The following TEAD1 variants were observed in gnomAD, a reference collection of about 807,000 sequenced individuals.
The protein encoded by TEAD1 is transcriptional enhancer factor TEF-1.
TEAD1 carries 9 observed loss-of-function variants against 54.9 expected under a neutral mutation model. The observed-to-expected ratio is 0.16, with a 90% CI of 0.10 to 0.29. The LOEUF (loss-of-function observed/expected upper bound fraction) is 0.29. Among genes scored for constraint, TEAD1 ranks in the 10% least tolerant of loss-of-function variants. The pLI, the probability that TEAD1 is intolerant of heterozygous loss-of-function variation, is 1.00. For missense variants in TEAD1, 387 were observed against 535.9 expected, an observed-to-expected ratio of 0.72 and a Z score of 2.74; for synonymous variants, 200 against 187.8, an observed-to-expected ratio of 1.07 and a Z score of -0.53.
At chr11:12,898,307 T>G (rs1181877345) in intron 9 of TEAD1, among the ~76,000 whole-genome samples, 1 of 152,218 alleles carries the variant, frequency 6.6e-6, no homozygotes. Context: ...GCAGGAAAGT[T>G]ATTTTGCTTC....
chr11:12,791,247 C>T (rs948326299), intron 3 of TEAD1, among the ~76,000 whole-genome samples: 2 of 152,134 alleles, frequency 1.3e-5, no homozygotes, highest in African/African-American at 4.8e-5. Flanking sequence ...TAAGTTTGGT[C>T]TATGTTTAAG....
chr11:12,877,828 T>C (rs1947884617), intron 5 of TEAD1, among the ~76,000 whole-genome samples: 1 of 145,842 alleles, frequency 6.9e-6, no homozygotes, highest in Non-Finnish European at 1.5e-5. Flanking sequence ...GGAGTCTTGC[T>C]CTACTGCCCA....
In TEAD1 at chr11:12,933,935, T is replaced by G. The variant is rs186393539; in HGVS notation, c.1168-3174T>G. ...AAATAGGAACACTTTTACACTGTTG[T>G]TGGGACTATAAACTAGTTCCAACCA... is the stretch of plus-strand genomic sequence containing the variant. On this transcript the variant is annotated intron_variant, in intron 12 of 12. Coordinates refer to ENST00000527636, the MANE Select transcript of TEAD1 (RefSeq NM_021961.6). 1.2e-3 allele frequency among the ~76,000 whole-genome samples: 184 copies of G among 152,296 alleles called. No homozygotes were observed. The Middle Eastern group carries it at 0.014, about 11-fold the overall frequency.
intron 9 of TEAD1, among the ~76,000 whole-genome samples, chr11:12,888,673 AC>A (rs938835036): frequency 2.0e-5 from 3 of 151,898 alleles, no homozygotes; most frequent in African/African-American, 7.3e-5. Context: ...CTTCCTCACA[AC>A]CCCACCACTC....
At chr11:12,772,184 C>T (rs935774853) in intron 3 of TEAD1, among the ~76,000 whole-genome samples, 1 of 152,194 alleles carries the variant, frequency 6.6e-6, no homozygotes. Context: ...AGTTTATGTT[C>T]ACTTTCTACC....
chr11:12,716,846 C>G (rs1365302429), intron 2 of TEAD1, among the ~76,000 whole-genome samples: 1 of 152,246 alleles, frequency 6.6e-6, no homozygotes, highest in Non-Finnish European at 1.5e-5. Flanking sequence ...TTTGCCAGCC[C>G]TCTTCTAAGT....
intron 9 of TEAD1, among the ~76,000 whole-genome samples, chr11:12,900,819 C>T (rs1264913604): frequency 6.6e-6 from 1 of 152,140 alleles, no homozygotes; most frequent in Non-Finnish European, 1.5e-5. Flanking sequence ...TGTGAGCAGA[C>T]TTGGACTGCT....
At chr11:12,839,121 A>G (rs1407148516) in intron 3 of TEAD1, among the ~76,000 whole-genome samples, 1 of 152,144 alleles carries the variant, frequency 6.6e-6, no homozygotes, top group East Asian at 1.9e-4. Flanking sequence ...TTAAAAAAAA[A>G]AACTGGGAGC....
chr11:12,762,129 G>A lies in TEAD1; in HGVS notation c.-54-2050G>A, dbSNP rs111540616. On this transcript the variant is annotated intron_variant, in intron 2 of 12. Transcript: ENST00000527636. ...TATTTATCTTAAAGTGTGGCTCCTC[G>A]GAGTAAATTCATACTGCTGTGAACT... Among the ~76,000 whole-genome samples the A allele has an allele frequency of 2.7e-3, 404 of 152,232 alleles. 3 individuals carry two copies. Among genetic ancestry groups the A allele is most frequent in the African/African-American group, 8.8e-3 (366 of 41,528 alleles).
chr11:12,886,220 A>G (rs2134105207), intron 9 of TEAD1, among the ~76,000 whole-genome samples: 1 of 152,350 alleles, frequency 6.6e-6, no homozygotes. Context: ...CTAAGTTGCT[A>G]GAGTAGAGGC....
intron 3 of TEAD1, among the ~76,000 whole-genome samples, chr11:12,795,844 A>T (rs987174218): frequency 2.0e-5 from 3 of 152,220 alleles, no homozygotes; most frequent in African/African-American, 7.2e-5. Context: ...TGAGAACAGT[A>T]AAAGACAAAA....
intron 3 of TEAD1, among the ~76,000 whole-genome samples, chr11:12,825,636 T>A (rs540127318): frequency 1.4e-4 from 21 of 152,192 alleles, no homozygotes; most frequent in African/African-American, 4.8e-4. Flanking sequence ...TGCATCTTTT[T>A]AAAAAAAATT....
chr11:12,926,957 G>T (rs1455341117), intron 11 of TEAD1, among the ~76,000 whole-genome samples: 1 of 152,324 alleles, frequency 6.6e-6, no homozygotes, highest in African/African-American at 2.4e-5. Context: ...GGCAATGTTA[G>T]TGAATAGCTA....
At chr11:12,886,178 A>G (rs950853630) in intron 9 of TEAD1, among the ~76,000 whole-genome samples, 8 of 152,232 alleles carry the variant, frequency 5.3e-5, no homozygotes, top group African/African-American at 1.9e-4. Flanking sequence ...AGTATATTAA[A>G]TCAGTGACTA....
chr11:12,845,667 T>C (rs1866706), intron 3 of TEAD1, among the ~76,000 whole-genome samples: 108,000 of 152,180 alleles, frequency 0.71, 38,587 homozygotes, highest in East Asian at 0.77. Context: ...ACCGTACTGT[T>C]GTTGTAAAAC....
At chr11:12,809,645 G>A (rs992419596) in intron 3 of TEAD1, among the ~76,000 whole-genome samples, 2 of 152,190 alleles carry the variant, frequency 1.3e-5, no homozygotes, top group African/African-American at 4.8e-5. Context: ...GCCCTTTTTA[G>A]AGATAGGCAT....
intron 9 of TEAD1, among the ~76,000 whole-genome samples, chr11:12,895,183 C>T (rs1042730731): frequency 2.6e-5 from 4 of 151,202 alleles, no homozygotes; most frequent in African/African-American, 7.3e-5. Flanking sequence ...TGAAGGAAGA[C>T]GAAAGTCCTT....
intron 5 of TEAD1, among the ~76,000 whole-genome samples, chr11:12,869,918 C>T (rs758617740): frequency 6.6e-5 from 10 of 151,802 alleles, no homozygotes; most frequent in East Asian, 3.9e-4. Flanking sequence ...CTTGCTTTGT[C>T]GCCCGGGCGG....
At chr11:12,775,425 C>T (rs536171458) in intron 3 of TEAD1, among the ~76,000 whole-genome samples, 11 of 152,274 alleles carry the variant, frequency 7.2e-5, no homozygotes, top group Admixed American at 3.9e-4. Context: ...TCATCCCCAC[C>T]GGACCCCCAC....
Sources: allele counts gnomAD v4.1 joint callset (sites outside exome capture counted in the v4.1 genomes callset), GRCh38; gene constraint gnomAD v4.1.1; transcripts MANE v1.5; gene names NCBI Gene and HGNC (gene_info 2026-07-23, HGNC 2026-07-21).